The following GPC5 variants were observed in gnomAD, a reference collection of about 807,000 sequenced individuals.
GPC5 encodes glypican 5, also known as glypican-5.
GPC5 carries 47 observed loss-of-function variants against 53.9 expected under a neutral mutation model. The observed-to-expected ratio is 0.87, with a 90% CI of 0.69 to 1.11. The LOEUF (loss-of-function observed/expected upper bound fraction) is 1.11, where lower values mean the gene tolerates loss of function less well. Among genes scored for constraint, GPC5 ranks in the 50% most tolerant of loss-of-function variants. GPC5 has a pLI of 0.00. For missense variants in GPC5, 748 were observed against 713.1 expected, an observed-to-expected ratio of 1.05 and a Z score of -0.56; for synonymous variants, 286 against 263.3, an observed-to-expected ratio of 1.09 and a Z score of -0.84.
chr13:92,235,810 T>C (rs1441298637), intron 7 of GPC5, among the ~76,000 whole-genome samples: 2 of 152,100 alleles, frequency 1.3e-5, no homozygotes, highest in Non-Finnish European at 2.9e-5. Flanking sequence ...TTTTCCCTTG[T>C]AGTTATCTTC....
intron 2 of GPC5, among the ~76,000 whole-genome samples, chr13:91,595,533 G>T (rs1257459825): frequency 6.6e-6 from 1 of 151,968 alleles, no homozygotes; most frequent in Non-Finnish European, 1.5e-5. Flanking sequence ...TTTTTATGTT[G>T]TCTGTTATTG....
At chr13:92,752,535 C>T (rs1445656003) in intron 7 of GPC5, among the ~76,000 whole-genome samples, 9 of 152,204 alleles carry the variant, frequency 5.9e-5, no homozygotes, top group Middle Eastern at 3.4e-3. Context: ...CCAGCGTGAG[C>T]GACGCAGAAG....
chr13:91,754,044 ATCT>A (rs527365946), intron 4 of GPC5, among the ~76,000 whole-genome samples: 7 of 152,178 alleles, frequency 4.6e-5, no homozygotes, highest in Non-Finnish European at 7.3e-5. Flanking sequence ...ATGACTGGAA[ATCT>A]TCTAGGTTAA....
intron 7 of GPC5, among the ~76,000 whole-genome samples, chr13:92,381,860 T>TATATATATC (rs1566565192): frequency 0.014 from 898 of 62,650 alleles, 13 homozygotes; most frequent in Non-Finnish European, 0.024. Context: ...CATATATGAT[T>TATATATATC]ATATATATCA....
intron 7 of GPC5, among the ~76,000 whole-genome samples, chr13:92,662,730 A>C (rs1019149206): frequency 3.9e-5 from 6 of 152,192 alleles, no homozygotes; most frequent in Non-Finnish European, 8.8e-5. Flanking sequence ...GATACTCACC[A>C]AAGTCCCAGA....
intron 7 of GPC5, among the ~76,000 whole-genome samples, chr13:92,734,276 G>A (rs376849809): frequency 2.6e-4 from 39 of 151,764 alleles, no homozygotes; most frequent in East Asian, 2.1e-3. Flanking sequence ...TCATTCCTGC[G>A]TTAGCCCTGG....
chr13:92,847,655 C>T (rs1878657000), intron 7 of GPC5, among the ~76,000 whole-genome samples: 1 of 151,738 alleles, frequency 6.6e-6, no homozygotes, highest in Admixed American at 6.6e-5. Flanking sequence ...ATTACCCAGT[C>T]TCAGGTAGTT....
chr13:92,279,804 T>G (rs12856407), intron 7 of GPC5, among the ~76,000 whole-genome samples: 13,004 of 152,126 alleles, frequency 0.085, 618 homozygotes, highest in Middle Eastern at 0.12. Flanking sequence ...TCAGTATGCT[T>G]ATTTGGTTTT....
chr13:92,031,022 C>A (rs906971052), intron 6 of GPC5, among the ~76,000 whole-genome samples: 3 of 152,086 alleles, frequency 2.0e-5, no homozygotes, highest in African/African-American at 7.2e-5. Flanking sequence ...GGCCTTTTTA[C>A]AGGTTTTGGT....
At chr13:92,166,525 C>T (rs541689233) in intron 7 of GPC5, among the ~76,000 whole-genome samples, 67 of 151,818 alleles carry the variant, frequency 4.4e-4, no homozygotes, top group African/African-American at 1.6e-3. Context: ...TAAAGACCAC[C>T]GGAGAAACTT....
intron 2 of GPC5, among the ~76,000 whole-genome samples, chr13:91,449,860 TTAGC>T (rs1881066296): frequency 6.6e-6 from 1 of 152,174 alleles, no homozygotes; most frequent in African/African-American, 2.4e-5. Context: ...TTATAAAGCA[TTAGC>T]TATTCTGTAT....
chr13:92,764,143 C>T (rs1248328088), intron 7 of GPC5, among the ~76,000 whole-genome samples: 1 of 152,192 alleles, frequency 6.6e-6, no homozygotes, highest in South Asian at 2.1e-4. Flanking sequence ...AGGCAATGTA[C>T]TGCTTTAGCT....
intron 7 of GPC5, among the ~76,000 whole-genome samples, chr13:92,737,370 C>A (rs758514518): frequency 1.3e-4 from 19 of 151,964 alleles, no homozygotes; most frequent in Non-Finnish European, 1.9e-4. Flanking sequence ...GCTTCAGGCC[C>A]GTCAGGAATT....
intron 7 of GPC5, among the ~76,000 whole-genome samples, chr13:92,528,169 A>G (rs1881432492): frequency 6.6e-6 from 1 of 152,168 alleles, no homozygotes; most frequent in African/African-American, 2.4e-5. Flanking sequence ...AGCTTCTGCA[A>G]AAACTGTAAA....
At position 91,691,756 on chromosome 13, in the gene GPC5, C is replaced by A. The variant is rs2035762164; in HGVS notation, c.326-1431C>A. Among the ~76,000 whole-genome samples the A allele has an allele frequency of 2.0e-5, 3 of 152,198 alleles. No individual in the cohort carries two copies. The South Asian group carries it at 6.2e-4, about 32-fold the overall frequency. On this transcript the variant is annotated intron_variant, in intron 2 of 7. Transcript: ENST00000377067. Reference sequence around the variant, plus strand: ...TGACACAGTTCTGCTTCATTAGTAGCTCTCTCTGCACCTCTGCATTTTGTT... The same window carrying A: ...TGACACAGTTCTGCTTCATTAGTAGATCTCTCTGCACCTCTGCATTTTGTT...
chr13:92,863,797 A>G (rs1470646198), intron 7 of GPC5, among the ~76,000 whole-genome samples: 1 of 152,066 alleles, frequency 6.6e-6, no homozygotes, highest in African/African-American at 2.4e-5. Flanking sequence ...TCGGCCTACC[A>G]TATTTCATAG....
intron 7 of GPC5, among the ~76,000 whole-genome samples, chr13:92,212,598 T>A (rs2042383020): frequency 6.6e-6 from 1 of 152,184 alleles, no homozygotes; most frequent in Non-Finnish European, 1.5e-5. Flanking sequence ...TGTTTGGAGA[T>A]GTGGGGGACC....
intron 2 of GPC5, among the ~76,000 whole-genome samples, chr13:91,544,554 C>A (rs967686767): frequency 1.3e-5 from 2 of 152,174 alleles, no homozygotes; most frequent in African/African-American, 2.4e-5. Flanking sequence ...ATATGTTTCA[C>A]TAAATTGTTG....
chr13:92,736,717 A>G (rs1206155481), intron 7 of GPC5, among the ~76,000 whole-genome samples: 5 of 151,656 alleles, frequency 3.3e-5, no homozygotes, highest in Non-Finnish European at 7.4e-5. Flanking sequence ...AATGTTTCTG[A>G]TCTGTTCTTG....
Sources: gnomAD v4.1 joint callset for allele counts (sites outside exome capture counted in the v4.1 genomes callset) on GRCh38, gnomAD v4.1.1 for gene constraint, MANE v1.5 for transcripts, NCBI Gene and HGNC (gene_info 2026-07-23, HGNC 2026-07-21) for gene names.